Variants in SLC28A3 observed in about 807,000 individuals in gnomAD.
SLC28A3 encodes concentrative Na(+)-nucleoside cotransporter 3.
Under a neutral mutation model 84.2 loss-of-function variants are expected in SLC28A3, and 68 were observed. The observed-to-expected ratio is 0.81, with a 90% CI of 0.66 to 0.99. The LOEUF is 0.99. Ranked by LOEUF, SLC28A3 falls within the 50% of genes least tolerant of loss-of-function variation. SLC28A3 has a pLI of 0.00. For synonymous variants in SLC28A3, 267 were observed against 303.6 expected (o/e 0.88, Z 1.25); for missense variants, 712 against 841.5 (o/e 0.85, Z 1.90).
intron 1 of SLC28A3, among the ~76,000 whole-genome samples, chr9:84,313,881 A>AG: frequency 1.4e-5 from 2 of 147,616 alleles, no homozygotes; most frequent in East Asian, 3.9e-4. Context: ...AAAAAAAAAA[A>AG]AGAAAAGAAA....
intron 1 of SLC28A3, among the ~76,000 whole-genome samples, chr9:84,326,492 G>A (rs1826553351): frequency 6.6e-6 from 1 of 152,182 alleles, no homozygotes; most frequent in South Asian, 2.1e-4. Flanking sequence ...CCTACTCTCT[G>A]AAGTTTGGGG....
chr9:84,366,067 A>T, the SLC28A3 span, among the ~76,000 whole-genome samples: 1 of 151,990 alleles, frequency 6.6e-6, no homozygotes, highest in Non-Finnish European at 1.5e-5. Context: ...AAAAAACAAA[A>T]AAAAGATTGG....
At chr9:84,346,559 ATAATAT>A in the SLC28A3 span, among the ~76,000 whole-genome samples, 121 of 152,350 alleles carry the variant, frequency 7.9e-4, 1 homozygote, top group South Asian at 9.7e-3. Context: ...AATAAATCAA[ATAATAT>A]TAATGTTAAT....
intron 11 of SLC28A3, among the ~76,000 whole-genome samples, chr9:84,288,763 T>C (rs1035972188): frequency 6.6e-6 from 1 of 152,084 alleles, no homozygotes; most frequent in Non-Finnish European, 1.5e-5. Flanking sequence ...GCCAGGCTGG[T>C]CTTGAACTCC....
chr9:84,301,386 A>C (rs1220527391), intron 5 of SLC28A3, among the ~76,000 whole-genome samples: 2 of 150,444 alleles, frequency 1.3e-5, no homozygotes, highest in African/African-American at 4.9e-5. Context: ...AAAAGGCTGT[A>C]AACATTGGAC....
At chr9:84,291,430 G>A (rs1357801595) in intron 10 of SLC28A3, among the ~76,000 whole-genome samples, 1 of 152,066 alleles carries the variant, frequency 6.6e-6, no homozygotes, top group African/African-American at 2.4e-5. Flanking sequence ...TCCACCTCCT[G>A]GGTTCAAGCA....
At chr9:84,337,124 T>TA (rs1484884438) in intron 1 of SLC28A3, among the ~76,000 whole-genome samples, 2 of 152,120 alleles carry the variant, frequency 1.3e-5, no homozygotes, top group African/African-American at 4.8e-5. Flanking sequence ...AGACAAAATA[T>TA]AAAAAATAAT....
At chr9:84,330,797 T>C (rs1826754427) in intron 1 of SLC28A3, among the ~76,000 whole-genome samples, 1 of 152,190 alleles carries the variant, frequency 6.6e-6, no homozygotes, top group African/African-American at 2.4e-5. Flanking sequence ...ATATATGAGG[T>C]TCCATAAAAT....
the SLC28A3 span, among the ~76,000 whole-genome samples, chr9:84,350,422 C>A: frequency 1.3e-5 from 2 of 150,298 alleles, no homozygotes; most frequent in African/African-American, 4.9e-5. Flanking sequence ...GCCTGGGCAA[C>A]AAGAGTGAAA....
intron 14 of SLC28A3, among the ~76,000 whole-genome samples, chr9:84,282,135 C>T (rs1341876274): frequency 6.6e-6 from 1 of 152,052 alleles, no homozygotes; most frequent in Non-Finnish European, 1.5e-5. Flanking sequence ...GAGTGAGACT[C>T]CATTTCAAAA....
chr9:84,276,167 T>C lies in SLC28A3; in HGVS notation c.*2051A>G, dbSNP rs543798051. On this transcript the variant is annotated 3_prime_UTR_variant, in exon 18 of 18. Transcript: ENST00000376238. ...TGGGTATGTAAATTTACTTTGCAAA[T>C]TTAGATTTTATGAAATCTAAACATG... 7 of 152,252 alleles carry C rather than the reference T, an allele frequency of 4.6e-5. No homozygotes were observed. Among genetic ancestry groups the C allele is most frequent in the African/African-American group, 1.7e-4 (7 of 41,540 alleles). The allele number at this position is 152,252 out of a possible 1,614,324, so 9.4% of individuals were successfully genotyped here. A position where few individuals can be genotyped will look rare whatever the true frequency, so the allele number is the denominator to read the frequency against.
At chr9:84,297,695 G>C (rs533248100) in intron 7 of SLC28A3, among the ~76,000 whole-genome samples, 4 of 152,302 alleles carry the variant, frequency 2.6e-5, no homozygotes, top group African/African-American at 7.2e-5. Context: ...ATTAGGGAAC[G>C]ATGACATAGG....
At chr9:84,302,061 T>A in intron 5 of SLC28A3, 139 bp downstream of exon 5, 1 of 729,536 alleles carries the variant, frequency 1.4e-6, no homozygotes, top group Non-Finnish European at 2.2e-6. Flanking sequence ...ATGAAGACAT[T>A]GTAACAGATT....
At chr9:84,291,035 A>C (rs1455285049) in intron 10 of SLC28A3, among the ~76,000 whole-genome samples, 1 of 152,212 alleles carries the variant, frequency 6.6e-6, no homozygotes. Flanking sequence ...TAATAGCTGT[A>C]CTTTTAGCAT....
rs955089005 is a variant in SLC28A3 at position 84,275,980 on chromosome 9, T to C, written c.*2238A>G. ...CTGACATCTTATAATACCAGAAATA[T>C]ACACACACTTCAAACCTGGGAAATC... On this transcript the variant is annotated 3_prime_UTR_variant, in exon 18 of 18. Transcript: ENST00000376238. The C allele has an allele frequency of 6.6e-6, 1 of 152,166 alleles. No homozygotes were observed. The highest frequency in any genetic ancestry group is 2.4e-5 in the African/African-American group (1 of 41,438). 9.4% of individuals were successfully genotyped at this position (152,166 alleles called of 1,614,324 possible). A position where few individuals can be genotyped will look rare whatever the true frequency, so the allele number is the denominator to read the frequency against.
At chr9:84,349,127 A>G in the SLC28A3 span, among the ~76,000 whole-genome samples, 7 of 152,322 alleles carry the variant, frequency 4.6e-5, no homozygotes, top group South Asian at 1.2e-3. Context: ...TGGTGGGATT[A>G]TCATTGGTTC....
At chr9:84,279,121 G>A (rs969143347) in intron 17 of SLC28A3, 144 bp downstream of exon 17, 38 of 629,630 alleles carry the variant, frequency 6.0e-5, no homozygotes, top group African/African-American at 4.2e-4. Context: ...ATGAGTGAGC[G>A]GAGATTGCGC....
At chr9:84,335,698 C>G (rs1826948123) in intron 1 of SLC28A3, among the ~76,000 whole-genome samples, 1 of 145,658 alleles carries the variant, frequency 6.9e-6, no homozygotes, top group Non-Finnish European at 1.5e-5. Context: ...ACTGTTTTCA[C>G]AAGTATGTAT....
At chr9:84,332,977 G>A (rs1826845383) in intron 1 of SLC28A3, among the ~76,000 whole-genome samples, 1 of 152,132 alleles carries the variant, frequency 6.6e-6, no homozygotes, top group South Asian at 2.1e-4. Flanking sequence ...GGAAAATGAT[G>A]AGACAAGTCT....
Sources: gnomAD v4.1 joint callset for allele counts (sites outside exome capture counted in the v4.1 genomes callset) on GRCh38, gnomAD v4.1.1 for gene constraint, MANE v1.5 for transcripts, NCBI Gene and HGNC (gene_info 2026-07-23, HGNC 2026-07-21) for gene names.